Variants in INPP5F observed in about 807,000 individuals in gnomAD.
INPP5F encodes the protein phosphatidylinositide 4-phosphatase SAC2.
A neutral mutation model predicts 137.2 loss-of-function variants in INPP5F; 97 were observed. The ratio of observed to expected loss-of-function variants is 0.71; its 90% confidence interval spans 0.60 to 0.84. The LOEUF is 0.84. INPP5F is among the 40% of genes least tolerant of loss of function. The pLI is 0.00. For missense variants in INPP5F, 1,271 were observed against 1,371.9 expected, an observed-to-expected ratio of 0.93 and a Z score of 1.16; for synonymous variants, 504 against 476.9, an observed-to-expected ratio of 1.06 and a Z score of -0.74.
At chr10:119,786,306 G>T (rs1227519809) in intron 3 of INPP5F, among the ~76,000 whole-genome samples, 1 of 152,192 alleles carries the variant, frequency 6.6e-6, no homozygotes, top group Admixed American at 6.5e-5. Flanking sequence ...CACAGAACTG[G>T]CTGGGCCTCT....
rs567592113 is a variant in INPP5F, at chr10:119,769,010, A to G, written c.179-12625A>G. 3.9e-5 allele frequency among the ~76,000 whole-genome samples: 6 copies of G among 152,354 alleles called. No individual in the cohort carries two copies. In the East Asian group the frequency reaches 1.2e-3, roughly 29 times the overall value. ...CCTTATGTGAGAGAACTAAGAAAGCAGGGTTTGGATTAGGTTTAAAGAATT... is the reference window on the plus strand; with the variant it reads ...CCTTATGTGAGAGAACTAAGAAAGCGGGGTTTGGATTAGGTTTAAAGAATT... On this transcript the variant is annotated intron_variant, in intron 2 of 19. Transcript: ENST00000650623.
At chr10:119,797,012 C>A in intron 7 of INPP5F, 99 bp downstream of exon 7, 1 of 1,199,158 alleles carries the variant, frequency 8.3e-7, no homozygotes, top group East Asian at 2.5e-5. Context: ...GATTTGGGAA[C>A]ACAGTTGGCT....
In INPP5F at chr10:119,768,852, A is replaced by G. The variant is rs1465608748; in HGVS notation, c.179-12783A>G. On this transcript the variant is annotated intron_variant, in intron 2 of 19. Transcript: ENST00000650623. ...AGATAAACTGGAAAGTGTCCAAAAG[A>G]GCGGTGAAAATAGAACCTACAAAAT... 3.3e-5 allele frequency among the ~76,000 whole-genome samples: 5 copies of G among 152,242 alleles called. No homozygotes were observed. The East Asian group carries it at 9.6e-4, about 29-fold the overall frequency.
chr10:119,727,652 G>A (rs139656234), intron 1 of INPP5F, among the ~76,000 whole-genome samples: 11 of 152,298 alleles, frequency 7.2e-5, no homozygotes, highest in African/African-American at 2.4e-4. Context: ...TTTTTCCTCA[G>A]GCTCTGTCTA....
rs148492125 is a variant in INPP5F at position 119,790,552 on chromosome 10, TTC to T, written c.316-954_316-953del. Reference sequence around the variant, plus strand: ...ACTTCCAAATTTGATAAAACAGGGATTCTCTCTCTCTCAATCAAAGCTTAAAC... The same window carrying T: ...ACTTCCAAATTTGATAAAACAGGGATTCTCTCTCTCAATCAAAGCTTAAAC... On this transcript the variant is annotated intron_variant, in intron 3 of 19. Transcript: ENST00000650623. Among the ~76,000 whole-genome samples the T allele has an allele frequency of 7.9e-5, 12 of 152,170 alleles. No individual in the cohort carries two copies. In the East Asian group the frequency reaches 1.7e-3, roughly 22 times the overall value.
chr10:119,756,851 A>T (rs1848860805), intron 2 of INPP5F, among the ~76,000 whole-genome samples: 1 of 134,094 alleles, frequency 7.5e-6, no homozygotes, highest in African/African-American at 2.8e-5. Context: ...CTGCCCTTTT[A>T]GCAAGCTCTG....
rs758204659 is a variant in INPP5F at position 119,829,061 on chromosome 10, CTT to C, written c.*1284_*1285del. The C allele has an allele frequency of 1.3e-5, 2 of 152,508 alleles. No homozygotes were observed. Among genetic ancestry groups the C allele is most frequent in the African/African-American group, 2.4e-5 (1 of 41,406 alleles). 9.4% of individuals were successfully genotyped at this position (152,508 alleles called of 1,614,324 possible). ...TGTCGTTACTTTGATAAGCATTCCA[CTT>C]TTGTTATTTATTAGTGCTATCTTTT... On this transcript the variant is annotated 3_prime_UTR_variant, in exon 20 of 20. Coordinates refer to ENST00000650623, the MANE Select transcript of INPP5F (RefSeq NM_014937.4).
chr10:119,729,443 G>C (rs1250692276), intron 1 of INPP5F, among the ~76,000 whole-genome samples: 1 of 152,062 alleles, frequency 6.6e-6, no homozygotes, highest in Non-Finnish European at 1.5e-5. Flanking sequence ...CACTGCGCCT[G>C]GCCTCTTTTT....
At chr10:119,805,858 G>A (rs951316692) in intron 11 of INPP5F, among the ~76,000 whole-genome samples, 1 of 152,178 alleles carries the variant, frequency 6.6e-6, no homozygotes, top group Admixed American at 6.5e-5. Flanking sequence ...CTGAGTACAG[G>A]AGGTTTAAAT....
At chr10:119,788,038 T>G (rs976368152) in intron 3 of INPP5F, among the ~76,000 whole-genome samples, 27 of 152,136 alleles carry the variant, frequency 1.8e-4, no homozygotes, top group African/African-American at 6.5e-4. Flanking sequence ...GCAATGGGCA[T>G]GAAGTGGTTG....
intron 2 of INPP5F, among the ~76,000 whole-genome samples, chr10:119,767,762 A>G (rs950716974): frequency 2.0e-5 from 3 of 152,210 alleles, no homozygotes; most frequent in African/African-American, 7.2e-5. Context: ...TCACTGTGCT[A>G]ATATCAAAGT....
At chr10:119,795,105 CGG>C in intron 6 of INPP5F, among the ~76,000 whole-genome samples, 1 of 130,454 alleles carries the variant, frequency 7.7e-6, no homozygotes, top group South Asian at 2.5e-4. Flanking sequence ...CCCTCCCGGA[CGG>C]GGCGGCTGGC....
intron 2 of INPP5F, among the ~76,000 whole-genome samples, chr10:119,777,225 A>AT (rs1849553094): frequency 6.6e-6 from 1 of 152,116 alleles, no homozygotes. Flanking sequence ...TAGGATAGAA[A>AT]TGGCCGGGCG....
chr10:119,738,035 G>T (rs1848265259), intron 1 of INPP5F, among the ~76,000 whole-genome samples: 1 of 152,182 alleles, frequency 6.6e-6, no homozygotes, highest in Non-Finnish European at 1.5e-5. Context: ...CTCTGTGCAG[G>T]CACACAGTAC....
chr10:119,795,797 T>C (rs1850355202), intron 6 of INPP5F, among the ~76,000 whole-genome samples: 1 of 152,138 alleles, frequency 6.6e-6, no homozygotes, highest in African/African-American at 2.4e-5. Flanking sequence ...CATTGAGCAC[T>C]GAGTGAACGA....
intron 1 of INPP5F, among the ~76,000 whole-genome samples, chr10:119,740,150 A>G (rs769021411): frequency 1.3e-5 from 2 of 152,080 alleles, no homozygotes; most frequent in Admixed American, 6.5e-5. Flanking sequence ...AGGACCTTGT[A>G]CTTACTCACA....
chr10:119,803,053 AT>A (rs1314020926), intron 9 of INPP5F, among the ~76,000 whole-genome samples: 13 of 151,518 alleles, frequency 8.6e-5, no homozygotes, highest in South Asian at 2.1e-4. Context: ...ATCCTTTACC[AT>A]TTTTTTCCGT....
intron 9 of INPP5F, among the ~76,000 whole-genome samples, chr10:119,801,559 A>C (rs1850594321): frequency 2.0e-5 from 3 of 152,120 alleles, no homozygotes. Flanking sequence ...GATATAAAGA[A>C]TAGAGCCTGT....
At chr10:119,744,932 G>A (rs1322770536) in intron 1 of INPP5F, among the ~76,000 whole-genome samples, 2 of 151,914 alleles carry the variant, frequency 1.3e-5, no homozygotes, top group African/African-American at 4.8e-5. Flanking sequence ...TTTCATTCTC[G>A]ACTACTAATG....
Sources: gnomAD v4.1 joint callset for allele counts (sites outside exome capture counted in the v4.1 genomes callset) on GRCh38, gnomAD v4.1.1 for gene constraint, MANE v1.5 for transcripts, NCBI Gene and HGNC (gene_info 2026-07-23, HGNC 2026-07-21) for gene names.